Variants in DENND5A observed in about 807,000 individuals in gnomAD.
DENND5A encodes the protein DENN domain-containing protein 5A.
DENND5A carries 64 observed loss-of-function variants against 140.3 expected under a neutral mutation model. The observed-to-expected ratio is 0.46, with a 90% confidence interval of 0.37 to 0.56. DENND5A has a LOEUF of 0.56. DENND5A is among the 20% of genes least tolerant of loss of function. The pLI, the probability that DENND5A is intolerant of heterozygous loss-of-function variation, is 0.00. For missense variants in DENND5A, 1,292 were observed against 1,593.8 expected, an observed-to-expected ratio of 0.81 and a Z score of 3.22; for synonymous variants, 605 against 607.7, an observed-to-expected ratio of 1.00 and a Z score of 0.07.
intron 1 of DENND5A, among the ~76,000 whole-genome samples, chr11:9,213,805 T>C (rs1170360698): frequency 5.5e-3 from 2 of 366 alleles, no homozygotes; most frequent in Non-Finnish European, 6.9e-3. Context: ...AGACTCCGTC[T>C]CCCAAAAAAA....
intron 1 of DENND5A, among the ~76,000 whole-genome samples, chr11:9,254,244 T>C (rs532302796): frequency 3.3e-5 from 5 of 151,664 alleles, no homozygotes; most frequent in Admixed American, 1.3e-4. Flanking sequence ...GAGGATCCCT[T>C]GAGCTCAGAA....
chr11:9,258,220 C>T (rs1852034594), intron 1 of DENND5A, among the ~76,000 whole-genome samples: 1 of 152,092 alleles, frequency 6.6e-6, no homozygotes, highest in Non-Finnish European at 1.5e-5. Flanking sequence ...TGGTTTGCTG[C>T]ACCTGTCAAC....
At position 9,141,080 on chromosome 11, in the gene DENND5A, C is replaced by G. The variant is rs531631970; in HGVS notation, c.3680+860G>C. ...GGCGGAGGTTGTGGTGAGCCGAGAT[C>G]ACACCATTGCACTCCAGCCTGGGCA... On this transcript the variant is annotated intron_variant, in intron 22 of 22. Transcript: ENST00000328194. Among the ~76,000 whole-genome samples, 66 of 151,284 alleles carry G rather than the reference C, an allele frequency of 4.4e-4. 2 individuals carry two copies. Among genetic ancestry groups the G allele is most frequent in the South Asian group, 6.3e-4 (3 of 4,760 alleles).
intron 9 of DENND5A, 132 bp downstream of exon 9, chr11:9,170,495 A>G (rs1848333703): frequency 1.7e-6 from 2 of 1,186,208 alleles, no homozygotes; most frequent in Non-Finnish European, 2.4e-6. Context: ...AACCACCTAG[A>G]TAGTCTGGGT....
chr11:9,217,285 C>CACTCA (rs1850130273), intron 1 of DENND5A, among the ~76,000 whole-genome samples: 1 of 151,982 alleles, frequency 6.6e-6, no homozygotes, highest in Non-Finnish European at 1.5e-5. Flanking sequence ...GAGGCTGAGG[C>CACTCA]GGGTGATCAC....
chr11:9,219,576 C>T (rs555491435), intron 1 of DENND5A, among the ~76,000 whole-genome samples: 18 of 151,856 alleles, frequency 1.2e-4, no homozygotes, highest in South Asian at 6.2e-4. Context: ...CAAAAAAAAA[C>T]GACTTACATA....
At chr11:9,198,969 C>A (rs7394471) in intron 4 of DENND5A, among the ~76,000 whole-genome samples, 65,264 of 113,186 alleles carry the variant, frequency 0.58, 22,021 homozygotes, top group African/African-American at 0.71. Flanking sequence ...AGGCAGGAGA[C>A]TCACTTGATC....
intron 8 of DENND5A, among the ~76,000 whole-genome samples, chr11:9,172,696 T>C (rs901622952): frequency 6.6e-6 from 1 of 152,224 alleles, no homozygotes; most frequent in African/African-American, 2.4e-5. Flanking sequence ...TTCCCAGCCA[T>C]GCGGAACTGA....
At chr11:9,154,047 GGTGGTATGTTT>G (rs1487824345) in intron 12 of DENND5A, among the ~76,000 whole-genome samples, 5 of 152,098 alleles carry the variant, frequency 3.3e-5, no homozygotes, top group Admixed American at 3.3e-4. Flanking sequence ...ATAATATAAA[GGTGGTATGTTT>G]GTTTTAGTAA....
intron 5 of DENND5A, among the ~76,000 whole-genome samples, chr11:9,192,628 A>C (rs1307750151): frequency 7.6e-6 from 1 of 130,884 alleles, no homozygotes; most frequent in Non-Finnish European, 1.7e-5. Context: ...ACTTCGTCTC[A>C]AAAAAAAAAC....
At chr11:9,237,585 A>T (rs188873101) in intron 1 of DENND5A, among the ~76,000 whole-genome samples, 1 of 152,064 alleles carries the variant, frequency 6.6e-6, no homozygotes, top group African/African-American at 2.4e-5. Context: ...ATTAAAATTT[A>T]AAATGCACAT....
At chr11:9,203,062 A>T (rs992963029) in intron 4 of DENND5A, among the ~76,000 whole-genome samples, 1 of 152,186 alleles carries the variant, frequency 6.6e-6, no homozygotes, top group Non-Finnish European at 1.5e-5. Flanking sequence ...ACAATGCCTG[A>T]CACATAGTGC....
chr11:9,158,801 G>A (rs1847889320), intron 12 of DENND5A, among the ~76,000 whole-genome samples: 1 of 152,080 alleles, frequency 6.6e-6, no homozygotes, highest in Non-Finnish European at 1.5e-5. Context: ...ATTACATACA[G>A]TATTAACTCA....
chr11:9,174,645 A>G (rs1436985603), intron 8 of DENND5A, among the ~76,000 whole-genome samples: 1 of 152,046 alleles, frequency 6.6e-6, no homozygotes, highest in Non-Finnish European at 1.5e-5. Flanking sequence ...AGTTACAGAA[A>G]ACCACGGCCA....
In DENND5A at chr11:9,261,709, C is replaced by T. The variant is rs1409031453; in HGVS notation, c.109+3252G>A. On this transcript the variant is annotated intron_variant, in intron 1 of 22. Transcript: ENST00000328194. Reference sequence around the variant, plus strand: ...GGCAGAATTGCTTGAACCTGGGAGACGGAGGTTTCAGTGAGCCACTATTGC... The same window carrying T: ...GGCAGAATTGCTTGAACCTGGGAGATGGAGGTTTCAGTGAGCCACTATTGC... Among the ~76,000 whole-genome samples the T allele has an allele frequency of 7.2e-5, 10 of 138,194 alleles. No homozygotes were observed. The East Asian group carries it at 1.6e-3, about 22-fold the overall frequency. 90.7% of individuals were successfully genotyped at this position (138,194 alleles called of 152,430 possible). A position where few individuals can be genotyped will look rare whatever the true frequency, so the allele number is the denominator to read the frequency against.
intron 20 of DENND5A, 171 bp from the exon 21 acceptor site, chr11:9,143,016 G>T: frequency 2.7e-6 from 2 of 729,748 alleles, no homozygotes; most frequent in South Asian, 2.0e-5. Context: ...AGCTCCCAGT[G>T]AAGAGCTGCT....
At chr11:9,184,809 TTC>T (rs1351134413) in intron 5 of DENND5A, among the ~76,000 whole-genome samples, 1 of 152,252 alleles carries the variant, frequency 6.6e-6, no homozygotes, top group Non-Finnish European at 1.5e-5. Flanking sequence ...GTTCTTTATA[TTC>T]TGTTGATATT....
chr11:9,249,631 C>T (rs1350262094), intron 1 of DENND5A, among the ~76,000 whole-genome samples: 1 of 152,166 alleles, frequency 6.6e-6, no homozygotes, highest in Non-Finnish European at 1.5e-5. Flanking sequence ...TCACTGCAAC[C>T]TCTGCCTCCA....
chr11:9,231,118 T>C (rs1850751536), intron 1 of DENND5A, among the ~76,000 whole-genome samples: 1 of 152,224 alleles, frequency 6.6e-6, no homozygotes, highest in Admixed American at 6.5e-5. Context: ...CAACAAATAT[T>C]AGCTCCTTTC....
Sources: allele counts gnomAD v4.1 joint callset (sites outside exome capture counted in the v4.1 genomes callset), GRCh38; gene constraint gnomAD v4.1.1; transcripts MANE v1.5; gene names NCBI Gene and HGNC (gene_info 2026-07-23, HGNC 2026-07-21).